Variants in ADAM29 observed in about 807,000 individuals in gnomAD.
The protein encoded by ADAM29 is disintegrin and metalloproteinase domain-containing protein 29.
For missense variants in ADAM29, 969 were observed against 1,001.8 expected, an observed-to-expected ratio of 0.97 and a Z score of 0.44; for synonymous variants, 367 against 342.3, an observed-to-expected ratio of 1.07 and a Z score of -0.80.
chr4:174,930,236 A>G (rs1743784812), intron 2 of ADAM29, among the ~76,000 whole-genome samples: 1 of 152,160 alleles, frequency 6.6e-6, no homozygotes, highest in Non-Finnish European at 1.5e-5. Context: ...AGCCTCTCTC[A>G]TATATATCTA....
At chr4:174,937,577 C>A (rs1421516958) in intron 4 of ADAM29, among the ~76,000 whole-genome samples, 1 of 151,998 alleles carries the variant, frequency 6.6e-6, no homozygotes, top group Admixed American at 6.6e-5. Flanking sequence ...CCAAAAACTA[C>A]AGTATTCTTT....
At chr4:174,927,641 A>G (rs917042975) in intron 2 of ADAM29, among the ~76,000 whole-genome samples, 4 of 152,130 alleles carry the variant, frequency 2.6e-5, no homozygotes, top group African/African-American at 9.7e-5. Context: ...TTGTCTGTTG[A>G]TCTTGTAACC....
intron 4 of ADAM29, among the ~76,000 whole-genome samples, chr4:174,951,350 ATTAC>A (rs1303350336): frequency 2.6e-5 from 4 of 152,200 alleles, no homozygotes; most frequent in African/African-American, 9.6e-5. Context: ...GGTACTTATT[ATTAC>A]TTCACACTTC....
In ADAM29 at chr4:174,943,130, C is replaced by T. The variant is rs533449453; in HGVS notation, c.-181+6117C>T. 5.9e-5 allele frequency among the ~76,000 whole-genome samples: 9 copies of T among 152,304 alleles called. No homozygotes were observed. The East Asian group carries it at 1.5e-3, about 26-fold the overall frequency. ...TCAATTCCTCACCTCCACCTGAAACCACCTCAGCTGAGACTTCATTGTCCA... is the reference window on the plus strand; with the variant it reads ...TCAATTCCTCACCTCCACCTGAAACTACCTCAGCTGAGACTTCATTGTCCA... On this transcript the variant is annotated intron_variant, in intron 4 of 4. Transcript: ENST00000359240.
At chr4:174,932,392 A>G (rs1743939168) in intron 3 of ADAM29, among the ~76,000 whole-genome samples, 1 of 152,212 alleles carries the variant, frequency 6.6e-6, no homozygotes, top group Admixed American at 6.5e-5. Flanking sequence ...TTATAACTTC[A>G]AATATTAGGA....
At chr4:174,969,502 A>C (rs1199267362) in intron 4 of ADAM29, among the ~76,000 whole-genome samples, 1 of 152,106 alleles carries the variant, frequency 6.6e-6, no homozygotes, top group East Asian at 1.9e-4. Flanking sequence ...AGAAAATACA[A>C]GTAACAATTA....
intron 3 of ADAM29, among the ~76,000 whole-genome samples, chr4:174,933,926 G>A (rs1402386424): frequency 6.6e-6 from 1 of 152,158 alleles, no homozygotes; most frequent in African/African-American, 2.4e-5. Flanking sequence ...GAATAGCGCT[G>A]CAATGAACAT....
rs267600089 is a variant in ADAM29 at position 174,976,439 on chromosome 4, G to A, written c.914G>A (p.Gly305Glu). 6.2e-7 allele frequency: 1 copy of A among 1,600,756 alleles called. No individual in the cohort carries two copies. The highest frequency in any genetic ancestry group is 8.5e-7 in the Non-Finnish European group (1 of 1,174,604). ...TTAAGTGGCATAGGAGCTTTTAGAG[G>A]AATGTGTACACCACACCGTAGTTGT... ...RGLSGIGAFRGMCTPHRSCAI... is the reference protein window; with the variant it reads ...RGLSGIGAFREMCTPHRSCAI... Residue 305 changes from glycine (G) to glutamate (E), a missense_variant, in exon 5 of 5, where the codon GGA becomes GAA. Physicochemically the swap from Gly to Glu is moderately conservative, Grantham distance 98. Transcript: ENST00000359240.
At chr4:174,930,635 A>G (rs1743808588) in intron 2 of ADAM29, among the ~76,000 whole-genome samples, 1 of 152,118 alleles carries the variant, frequency 6.6e-6, no homozygotes, top group Non-Finnish European at 1.5e-5. Flanking sequence ...TCCTTCAACT[A>G]TTAATTTTGT....
chr4:174,957,695 A>G (rs894158253), intron 4 of ADAM29, among the ~76,000 whole-genome samples: 1 of 151,624 alleles, frequency 6.6e-6, no homozygotes, highest in African/African-American at 2.4e-5. Context: ...GGTACCCACA[A>G]CACTTATTTT....
chr4:174,975,578 G>C lies in ADAM29; in HGVS notation c.53G>C (p.Gly18Ala). 2 of 1,580,070 alleles carry C rather than the reference G, an allele frequency of 1.3e-6. No individual in the cohort carries two copies. Among genetic ancestry groups the C allele is most frequent in the Non-Finnish European group, 1.7e-6 (2 of 1,165,232 alleles). ...CTTGGGGTGTTTCTGTCCTGTTCTG[G>C]ACACATCCAGGATGAGCACCCCCAA... ...HCLGVFLSCS[G>A]HIQDEHPQYH... The change falls in exon 5 of 5, where the codon GGA becomes GCA. Residue 18 changes from glycine (G) to alanine (A), a missense_variant. By Grantham distance (60) the Gly-to-Ala change is moderately conservative. Transcript: ENST00000359240.
In ADAM29 at chr4:174,975,647, G is replaced by A. The variant is rs866831732; in HGVS notation, c.122G>A (p.Gly41Asp). 4 of 1,613,066 alleles carry A rather than the reference G, an allele frequency of 2.5e-6. No homozygotes were observed. The Middle Eastern group carries it at 6.6e-4, about 267-fold the overall frequency. ...PDVVIPVRIT[G>D]TTRGMTPPGW... ...GTGGTGATTCCTGTGAGGATAACTGGCACCACCAGAGGCATGACACCTCCA... is the reference window on the plus strand; with the variant it reads ...GTGGTGATTCCTGTGAGGATAACTGACACCACCAGAGGCATGACACCTCCA... Residue 41 changes from glycine to aspartate, a missense_variant, in exon 5 of 5, where the codon GGC becomes GAC. Coordinates refer to ENST00000359240, the MANE Select transcript of ADAM29 (RefSeq NM_014269.4).
intron 2 of ADAM29, chr4:174,923,997 A>G (rs146211058): frequency 6.6e-6 from 1 of 152,330 alleles, no homozygotes; most frequent in East Asian, 1.9e-4. Flanking sequence ...TTTGAGCTCA[A>G]TCTTCTGTGA....
Position 174,936,896 on chromosome 4 carries a change from A to G in ADAM29, c.-261-37A>G, listed in dbSNP as rs1369170064. 6 of 152,144 alleles carry G rather than the reference A, an allele frequency of 3.9e-5. No individual in the cohort carries two copies. In the South Asian group the frequency reaches 1.2e-3, roughly 32 times the overall value. 9.4% of individuals were successfully genotyped at this position (152,144 alleles called of 1,614,324 possible). On this transcript the variant is annotated intron_variant, in intron 3 of 4. Coordinates refer to ENST00000359240, the MANE Select transcript of ADAM29 (RefSeq NM_014269.4). ...GAACAATGAGAATTTATCATCTGTGATAATATTTTAAATATAATGAGTTCC... is the reference window on the plus strand; with the variant it reads ...GAACAATGAGAATTTATCATCTGTGGTAATATTTTAAATATAATGAGTTCC...
intron 4 of ADAM29, among the ~76,000 whole-genome samples, chr4:174,964,825 A>AGAT (rs1249771970): frequency 1.3e-5 from 2 of 152,128 alleles, no homozygotes; most frequent in Non-Finnish European, 2.9e-5. Context: ...ATTTTTTAAA[A>AGAT]GATGATTTAT....
At chr4:174,943,267 C>G (rs1474271453) in intron 4 of ADAM29, among the ~76,000 whole-genome samples, 1 of 152,172 alleles carries the variant, frequency 6.6e-6, no homozygotes, top group Non-Finnish European at 1.5e-5. Flanking sequence ...TAACCTCTCC[C>G]CATTAGTCAG....
At chr4:174,966,214 T>A (rs1298141581) in intron 4 of ADAM29, among the ~76,000 whole-genome samples, 2 of 152,234 alleles carry the variant, frequency 1.3e-5, no homozygotes, top group African/African-American at 2.4e-5. Context: ...GATGCAATTT[T>A]TTTTCAAATG....
At chr4:174,962,682 C>T (rs1164733017) in intron 4 of ADAM29, among the ~76,000 whole-genome samples, 1 of 151,862 alleles carries the variant, frequency 6.6e-6, no homozygotes, top group Non-Finnish European at 1.5e-5. Context: ...TGTTAAATAG[C>T]TAGATTTAAC....
chr4:174,970,291 GGTT>G (rs1560891255), intron 4 of ADAM29, among the ~76,000 whole-genome samples: 3 of 152,100 alleles, frequency 2.0e-5, no homozygotes, highest in Admixed American at 2.0e-4. Context: ...ATGGAATCAA[GGTT>G]GTGAATCAGA....
Sources: allele counts gnomAD v4.1 joint callset (sites outside exome capture counted in the v4.1 genomes callset), GRCh38; gene constraint gnomAD v4.1.1; transcripts MANE v1.5; gene names NCBI Gene and HGNC (gene_info 2026-07-23, HGNC 2026-07-21).